Variants in SLIT3 observed in about 807,000 individuals in gnomAD.
SLIT3 encodes the protein slit homolog 3 protein.
Under a neutral mutation model 184.0 loss-of-function variants are expected in SLIT3, and 68 were observed. That is an observed-to-expected ratio of 0.37 (90% CI 0.30 to 0.45). SLIT3 has a LOEUF of 0.45. SLIT3 is among the 20% of genes least tolerant of loss of function. SLIT3 has a pLI of 1.00. For synonymous variants in SLIT3, 831 were observed against 828.6 expected, an observed-to-expected ratio of 1.00 and a Z score of -0.05; for missense variants, 1,707 against 2,026.0, an observed-to-expected ratio of 0.84 and a Z score of 3.02.
intron 9 of SLIT3, among the ~76,000 whole-genome samples, chr5:168,802,909 T>C (rs1195977063): frequency 1.3e-5 from 2 of 152,214 alleles, no homozygotes; most frequent in African/African-American, 4.8e-5. Flanking sequence ...GTTTTGCAAC[T>C]GAGGAAACCA....
rs185841376 is a variant in SLIT3, at chr5:168,901,859, T to G, written c.414-18523A>C. ...TTGGCTACCTCTTTGCCATATGCCC[T>G]GTGACATTTGAATAGACAGTCCTCC... On this transcript the variant is annotated intron_variant, in intron 4 of 35. Transcript: ENST00000519560. Among the ~76,000 whole-genome samples, 325 of 152,282 alleles carry G rather than the reference T, an allele frequency of 2.1e-3. 3 individuals carry two copies. The highest frequency in any genetic ancestry group is 7.5e-3 in the African/African-American group (311 of 41,558).
intron 5 of SLIT3, among the ~76,000 whole-genome samples, chr5:168,868,747 CAAAA>C (rs375837097): frequency 2.9e-5 from 2 of 69,318 alleles, no homozygotes; most frequent in African/African-American, 5.4e-5. Context: ...GAATCTGCCT[CAAAA>C]AAAAAAAAAA....
At chr5:169,223,199 G>A (rs1764676021) in intron 3 of SLIT3, among the ~76,000 whole-genome samples, 1 of 152,156 alleles carries the variant, frequency 6.6e-6, no homozygotes, top group Non-Finnish European at 1.5e-5. Flanking sequence ...GCCGGGATGA[G>A]AAATACCTCT....
intron 1 of SLIT3, among the ~76,000 whole-genome samples, chr5:169,293,978 A>G (rs1269807542): frequency 1.3e-5 from 2 of 152,238 alleles, no homozygotes; most frequent in Non-Finnish European, 2.9e-5. Context: ...ATGGAGAACA[A>G]TGAAGAACGG....
At chr5:168,730,669 C>A (rs567569889) in intron 20 of SLIT3, among the ~76,000 whole-genome samples, 3 of 151,464 alleles carry the variant, frequency 2.0e-5, no homozygotes, top group Non-Finnish European at 4.4e-5. Flanking sequence ...AAAAAAAAAT[C>A]CAAATGAATG....
intron 4 of SLIT3, among the ~76,000 whole-genome samples, chr5:168,899,454 C>A (rs778432640): frequency 2.6e-5 from 4 of 152,060 alleles, no homozygotes; most frequent in Non-Finnish European, 5.9e-5. Context: ...TTTGAGGTTA[C>A]AATGAGCTGT....
At chr5:168,702,675 C>T (rs978734710) in intron 26 of SLIT3, among the ~76,000 whole-genome samples, 1 of 149,496 alleles carries the variant, frequency 6.7e-6, no homozygotes, top group Non-Finnish European at 1.5e-5. Context: ...TAAATAATAG[C>T]GATGATGATG....
intron 20 of SLIT3, among the ~76,000 whole-genome samples, chr5:168,733,800 T>TAA (rs70976499): frequency 1.9e-4 from 27 of 145,310 alleles, no homozygotes; most frequent in South Asian, 8.9e-4. Context: ...AAAAAAAAAT[T>TAA]AAAAAAAAAA....
intron 4 of SLIT3, among the ~76,000 whole-genome samples, chr5:168,968,834 C>T (rs1457596834): frequency 2.0e-5 from 3 of 152,186 alleles, no homozygotes; most frequent in Non-Finnish European, 2.9e-5. Flanking sequence ...TTAGCTCTGA[C>T]TCTTTCTAGC....
In SLIT3 at chr5:169,211,296, T is replaced by C. The variant is rs576773935; in HGVS notation, c.342-17746A>G. ...GAGGGATTGGGGTCTCATGACTGGT[T>C]CCCCTGTTTCTGCTTTTGCTCCTAC... On this transcript the variant is annotated intron_variant, in intron 3 of 35. Coordinates refer to ENST00000519560, the MANE Select transcript of SLIT3 (RefSeq NM_003062.4). 3.3e-5 allele frequency among the ~76,000 whole-genome samples: 5 copies of C among 152,296 alleles called. No homozygotes were observed. In the South Asian group the frequency reaches 1.0e-3, roughly 32 times the overall value.
chr5:169,139,831 G>A (rs780716547), intron 4 of SLIT3, among the ~76,000 whole-genome samples: 8 of 152,146 alleles, frequency 5.3e-5, no homozygotes, highest in East Asian at 1.9e-4. Context: ...ACAGAATGCC[G>A]CTGAAGAATG....
chr5:168,996,796 G>A (rs533267589), intron 4 of SLIT3, among the ~76,000 whole-genome samples: 89 of 152,316 alleles, frequency 5.8e-4, no homozygotes, highest in Non-Finnish European at 6.3e-4. Context: ...AGGGGCCCCA[G>A]CTACCAATAT....
At chr5:169,181,395 G>A (rs1349743077) in intron 4 of SLIT3, among the ~76,000 whole-genome samples, 1 of 152,110 alleles carries the variant, frequency 6.6e-6, no homozygotes, top group Non-Finnish European at 1.5e-5. Context: ...CAGTAAAACT[G>A]ATGATTTTTC....
intron 13 of SLIT3, among the ~76,000 whole-genome samples, chr5:168,773,382 T>C (rs1382963231): frequency 6.6e-6 from 1 of 152,020 alleles, no homozygotes; most frequent in Admixed American, 6.6e-5. Flanking sequence ...TAGTAGCGGG[T>C]ATTGTTGTAA....
intron 4 of SLIT3, among the ~76,000 whole-genome samples, chr5:168,949,308 C>CAGTCCAGGAGGAATG (rs1762576836): frequency 6.6e-6 from 1 of 152,160 alleles, no homozygotes; most frequent in Admixed American, 6.5e-5. Context: ...TCTTTGCAGA[C>CAGTCCAGGAGGAATG]AGTCCAGGAG....
chr5:168,982,696 T>C (rs1754990605), intron 4 of SLIT3, among the ~76,000 whole-genome samples: 1 of 152,206 alleles, frequency 6.6e-6, no homozygotes, highest in African/African-American at 2.4e-5. Flanking sequence ...ATGGGCTTAG[T>C]CCTCACAAAG....
chr5:169,188,454 A>G (rs548473226), intron 4 of SLIT3, among the ~76,000 whole-genome samples: 1 of 152,318 alleles, frequency 6.6e-6, no homozygotes, highest in South Asian at 2.1e-4. Flanking sequence ...ATCATGCTCC[A>G]TCCTGTCCTC....
chr5:168,740,978 A>C (rs762699376), intron 20 of SLIT3, among the ~76,000 whole-genome samples: 9 of 152,140 alleles, frequency 5.9e-5, no homozygotes, highest in Non-Finnish European at 1.3e-4. Flanking sequence ...AGCCCGGTCC[A>C]AGGGAAGGGC....
chr5:169,172,835 AG>A (rs1762858564), intron 4 of SLIT3, among the ~76,000 whole-genome samples: 1 of 152,330 alleles, frequency 6.6e-6, no homozygotes, highest in East Asian at 1.9e-4. Flanking sequence ...TGGGGAAGGC[AG>A]TTAAAGCACC....
Sources: gnomAD v4.1 joint callset for allele counts (sites outside exome capture counted in the v4.1 genomes callset) on GRCh38, gnomAD v4.1.1 for gene constraint, MANE v1.5 for transcripts, NCBI Gene and HGNC (gene_info 2026-07-23, HGNC 2026-07-21) for gene names.